The following IL22RA2 variants were observed in gnomAD, a reference collection of about 807,000 sequenced individuals.
The protein encoded by IL22RA2 is interleukin-22 receptor subunit alpha-2.
A neutral mutation model predicts 30.7 loss-of-function variants in IL22RA2; 39 were observed. The ratio of observed to expected loss-of-function variants is 1.27; its 90% CI spans 0.98 to 1.66. The LOEUF (loss-of-function observed/expected upper bound fraction) is 1.66, where lower values mean the gene tolerates loss of function less well. IL22RA2 is among the 40% of genes most tolerant of loss of function. The pLI is 0.00. For missense variants in IL22RA2, 315 were observed against 312.7 expected (o/e 1.01, Z -0.05); for synonymous variants, 103 against 105.0 (o/e 0.98, Z 0.11).
At chr6:137,150,544 TAACTC>T (rs1208871383) in intron 5 of IL22RA2, among the ~76,000 whole-genome samples, 1 of 149,222 alleles carries the variant, frequency 6.7e-6, no homozygotes, top group Non-Finnish European at 1.5e-5. Context: ...AAACCCTTCT[TAACTC>T]AACACTATCC....
chr6:137,167,860 G>A (rs1021947646), intron 1 of IL22RA2, among the ~76,000 whole-genome samples: 4 of 152,176 alleles, frequency 2.6e-5, no homozygotes, highest in African/African-American at 4.8e-5. Context: ...AGGAAACATC[G>A]AGCCCTGTTC....
chr6:137,147,409 A>T (rs1778202937), intron 6 of IL22RA2, among the ~76,000 whole-genome samples: 1 of 150,844 alleles, frequency 6.6e-6, no homozygotes, highest in African/African-American at 2.4e-5. Flanking sequence ...ATAAATAAAT[A>T]AATAAGGTGT....
chr6:137,160,495 G>T (rs528094277), intron 2 of IL22RA2, among the ~76,000 whole-genome samples: 15 of 152,208 alleles, frequency 9.9e-5, no homozygotes, highest in Non-Finnish European at 1.8e-4. Flanking sequence ...CCCTCCAACA[G>T]AAAACCAAGA....
At chr6:137,147,518 G>A (rs28362853) in intron 6 of IL22RA2, among the ~76,000 whole-genome samples, 9,906 of 152,118 alleles carry the variant, frequency 0.065, 362 homozygotes, top group East Asian at 0.094. Context: ...GAGACAAACC[G>A]GAGGATGGAA....
intron 6 of IL22RA2, among the ~76,000 whole-genome samples, chr6:137,146,399 G>A (rs1264302028): frequency 6.6e-6 from 1 of 152,140 alleles, no homozygotes; most frequent in African/African-American, 2.4e-5. Context: ...ATAACTGCAG[G>A]CATGAAACTG....
intron 1 of IL22RA2, among the ~76,000 whole-genome samples, chr6:137,170,491 T>C (rs1367962870): frequency 2.0e-5 from 3 of 152,174 alleles, no homozygotes; most frequent in African/African-American, 7.2e-5. Flanking sequence ...GTCACAAGAC[T>C]GATAAGTTTA....
chr6:137,170,518 T>C (rs1778712342), intron 1 of IL22RA2, among the ~76,000 whole-genome samples: 1 of 152,208 alleles, frequency 6.6e-6, no homozygotes, highest in Non-Finnish European at 1.5e-5. Context: ...AAGACATGTC[T>C]TTCTCAAAAT....
intron 1 of IL22RA2, among the ~76,000 whole-genome samples, chr6:137,169,079 C>T (rs1335594279): frequency 6.6e-6 from 1 of 152,204 alleles, no homozygotes. Context: ...ACAATTTTAC[C>T]TTGCCTGAAT....
chr6:137,161,373 A>G (rs1223033883), intron 2 of IL22RA2, among the ~76,000 whole-genome samples: 1 of 151,996 alleles, frequency 6.6e-6, no homozygotes, highest in African/African-American at 2.4e-5. Flanking sequence ...TGAGAGCCAG[A>G]GAGAAAGAGA....
At chr6:137,149,644 C>A (rs986168696) in intron 5 of IL22RA2, among the ~76,000 whole-genome samples, 1 of 152,208 alleles carries the variant, frequency 6.6e-6, no homozygotes. Context: ...CTGCATCCAA[C>A]CTGTTCCCCA....
chr6:137,161,697 C>A lies in IL22RA2; in HGVS notation c.53G>T (p.Gly18Val). 6.2e-7 allele frequency: 1 copy of A among 1,613,202 alleles called. No homozygotes were observed. The highest frequency in any genetic ancestry group is 8.5e-7 in the Non-Finnish European group (1 of 1,179,336). The change falls in exon 2 of 7, where the codon GGT (glycine) becomes GTT (valine). Residue 18 changes from glycine (G) to valine (V), a missense_variant. Coordinates refer to ENST00000296980, the MANE Select transcript of IL22RA2 (RefSeq NM_052962.3). The part of the protein sequence containing the change: ...LGFLISFFLT[G>V]VAGTQSTHES... ...AGAAACAAAGCACTTACCTGCTACA[C>A]CAGTAAGGAAGAAACTGATGAGGAA...
chr6:137,161,662 G>A (rs779217737), intron 2 of IL22RA2, 27 bp downstream of exon 2: 13 of 1,584,222 alleles, frequency 8.2e-6, no homozygotes, highest in South Asian at 6.6e-5. Flanking sequence ...AAAGCTATGA[G>A]CAATTAAAAA....
chr6:137,168,181 ACT>A (rs1778658688), intron 1 of IL22RA2, among the ~76,000 whole-genome samples: 2 of 152,106 alleles, frequency 1.3e-5, no homozygotes, highest in African/African-American at 4.8e-5. Flanking sequence ...TGTGACTAAA[ACT>A]CTGTTATACC....
At chr6:137,146,353 G>A (rs974972871) in intron 6 of IL22RA2, among the ~76,000 whole-genome samples, 3 of 152,140 alleles carry the variant, frequency 2.0e-5, no homozygotes, top group Non-Finnish European at 4.4e-5. Context: ...AATTTGAAGT[G>A]TGCAGTGAGA....
chr6:137,160,931 T>C (rs900375436), intron 2 of IL22RA2, among the ~76,000 whole-genome samples: 1 of 152,236 alleles, frequency 6.6e-6, no homozygotes, highest in Non-Finnish European at 1.5e-5. Context: ...ATTGCTTTTA[T>C]GTATTAGTCA....
intron 4 of IL22RA2, among the ~76,000 whole-genome samples, chr6:137,155,473 C>T (rs28746186): frequency 0.042 from 6,349 of 151,522 alleles, 158 homozygotes; most frequent in Middle Eastern, 0.086. Context: ...GAGGACTTCA[C>T]AGGGATTCAA....
intron 1 of IL22RA2, among the ~76,000 whole-genome samples, chr6:137,165,156 G>A (rs1474618401): frequency 1.3e-5 from 2 of 152,150 alleles, no homozygotes; most frequent in African/African-American, 4.8e-5. Flanking sequence ...CAGCAGTATT[G>A]AGAGGCACTC....
intron 5 of IL22RA2, among the ~76,000 whole-genome samples, chr6:137,153,370 T>G (rs1326947375): frequency 1.3e-5 from 2 of 152,154 alleles, no homozygotes; most frequent in East Asian, 3.9e-4. Flanking sequence ...GCATATGAAT[T>G]GGTAAATGCT....
At chr6:137,156,676 G>T in intron 4 of IL22RA2, 83 bp downstream of exon 4, 2 of 1,551,394 alleles carry the variant, frequency 1.3e-6, no homozygotes, top group South Asian at 1.1e-5. Flanking sequence ...TCTGGGGTCT[G>T]AAATTTATAC....
Sources: allele counts gnomAD v4.1 joint callset (sites outside exome capture counted in the v4.1 genomes callset), GRCh38; gene constraint gnomAD v4.1.1; transcripts MANE v1.5; gene names NCBI Gene and HGNC (gene_info 2026-07-23, HGNC 2026-07-21).